The following ZBTB7C variants were observed in gnomAD, a reference collection of about 807,000 sequenced individuals.
ZBTB7C encodes zinc finger and BTB domain-containing protein 7C.
A neutral mutation model predicts 25.7 loss-of-function variants in ZBTB7C; 8 were observed. That is an observed-to-expected ratio of 0.31 (90% confidence interval 0.18 to 0.56). The LOEUF is 0.56. Ranked by LOEUF, ZBTB7C falls within the 20% of genes least tolerant of loss-of-function variation. The probability of loss-of-function intolerance (pLI) is 0.91; values close to 1 mark genes in which losing one functional copy is unlikely to be tolerated. For missense variants in ZBTB7C, 824 were observed against 855.2 expected, an observed-to-expected ratio of 0.96 and a Z score of 0.46; for synonymous variants, 394 against 369.0, an observed-to-expected ratio of 1.07 and a Z score of -0.78.
intron 3 of ZBTB7C, among the ~76,000 whole-genome samples, chr18:48,088,034 C>T (rs550542781): frequency 2.4e-4 from 37 of 152,250 alleles, no homozygotes; most frequent in African/African-American, 8.9e-4. Flanking sequence ...CACACTAACA[C>T]CCCTGTAACC....
chr18:48,233,961 CATT>C (rs1451133955), intron 2 of ZBTB7C, among the ~76,000 whole-genome samples: 1 of 152,130 alleles, frequency 6.6e-6, no homozygotes, highest in Non-Finnish European at 1.5e-5. Flanking sequence ...ATCAGTCAGT[CATT>C]ATCTCCGCTC....
intron 3 of ZBTB7C, among the ~76,000 whole-genome samples, chr18:48,063,511 C>G (rs2037203355): frequency 6.6e-6 from 1 of 151,930 alleles, no homozygotes; most frequent in African/African-American, 2.4e-5. Context: ...GGAAGAAAGG[C>G]AGGAGGGGAA....
At chr18:48,324,265 T>G (rs1173943595) in intron 2 of ZBTB7C, among the ~76,000 whole-genome samples, 1 of 152,144 alleles carries the variant, frequency 6.6e-6, no homozygotes, top group Non-Finnish European at 1.5e-5. Context: ...TGCCCTCTGA[T>G]GGGTGAGCTG....
intron 2 of ZBTB7C, among the ~76,000 whole-genome samples, chr18:48,278,460 C>T (rs1204115718): frequency 4.0e-5 from 6 of 150,296 alleles, no homozygotes; most frequent in Non-Finnish European, 5.9e-5. Flanking sequence ...TTTTTTGAGA[C>T]AGTCTTGCCC....
chr18:48,328,582 C>A (rs994891056), intron 2 of ZBTB7C, among the ~76,000 whole-genome samples: 1 of 152,206 alleles, frequency 6.6e-6, no homozygotes, highest in Non-Finnish European at 1.5e-5. Flanking sequence ...AGGAACCCCC[C>A]TCCCAACCCT....
intron 3 of ZBTB7C, among the ~76,000 whole-genome samples, chr18:48,164,548 T>A (rs1422295356): frequency 6.6e-6 from 1 of 152,232 alleles, no homozygotes; most frequent in Non-Finnish European, 1.5e-5. Flanking sequence ...GATCAAGTGC[T>A]TACCTCGTGA....
chr18:48,167,584 G>GTGTGTGTGTGTGTGTGTGTA (rs1207983957), intron 3 of ZBTB7C, among the ~76,000 whole-genome samples: 1 of 151,460 alleles, frequency 6.6e-6, no homozygotes, highest in Admixed American at 6.6e-5. Context: ...GTGTGTGTGT[G>GTGTGTGTGTGTGTGTGTGTA]TGTGTGTGTG....
At chr18:48,282,907 C>T (rs577188448) in intron 2 of ZBTB7C, among the ~76,000 whole-genome samples, 2 of 152,212 alleles carry the variant, frequency 1.3e-5, no homozygotes, top group African/African-American at 2.4e-5. Flanking sequence ...TGAGAATCTT[C>T]TATGTCATGA....
At chr18:48,161,699 C>T (rs911300122) in intron 3 of ZBTB7C, among the ~76,000 whole-genome samples, 1 of 151,688 alleles carries the variant, frequency 6.6e-6, no homozygotes, top group Admixed American at 6.6e-5. Flanking sequence ...CTGCCCGGCC[C>T]GGCCCGGCCC....
At chr18:48,267,115 T>C (rs936273808) in intron 2 of ZBTB7C, among the ~76,000 whole-genome samples, 1 of 152,230 alleles carries the variant, frequency 6.6e-6, no homozygotes, top group African/African-American at 2.4e-5. Context: ...GATTAGCTTC[T>C]GCTGTAGGTC....
At chr18:48,397,111 G>T (rs8087074) in intron 1 of ZBTB7C, among the ~76,000 whole-genome samples, 43,934 of 152,094 alleles carry the variant, frequency 0.29, 6,869 homozygotes, top group African/African-American at 0.4. Context: ...GTATCAAGTG[G>T]ATAATCTCTT....
chr18:48,179,070 G>A (rs962881165), intron 3 of ZBTB7C, among the ~76,000 whole-genome samples: 2 of 152,204 alleles, frequency 1.3e-5, no homozygotes, highest in African/African-American at 4.8e-5. Flanking sequence ...CGTTTCCTTG[G>A]ATGCCCTCTG....
At chr18:48,114,467 G>T in intron 3 of ZBTB7C, among the ~76,000 whole-genome samples, 1 of 152,084 alleles carries the variant, frequency 6.6e-6, no homozygotes. Context: ...TGGACACAGT[G>T]GTGGGTGCCT....
chr18:48,077,015 G>A, intron 3 of ZBTB7C: 1 of 979,976 alleles, frequency 1.0e-6, no homozygotes, highest in Non-Finnish European at 1.2e-6. Context: ...TTCCAGCAAA[G>A]GTCACAGGAA....
chr18:48,379,184 CT>C (rs1220087412), intron 1 of ZBTB7C, among the ~76,000 whole-genome samples: 2 of 152,118 alleles, frequency 1.3e-5, no homozygotes, highest in African/African-American at 4.8e-5. Context: ...TGTGTGGCCT[CT>C]TTCTGGGTTC....
intron 1 of ZBTB7C, among the ~76,000 whole-genome samples, chr18:48,390,281 G>T (rs2047869144): frequency 7.6e-6 from 1 of 131,410 alleles, no homozygotes; most frequent in Non-Finnish European, 1.6e-5. Context: ...TAATCAAAAT[G>T]GAATCATACC....
chr18:48,264,093 G>A (rs1035105689), intron 2 of ZBTB7C, among the ~76,000 whole-genome samples: 1 of 152,184 alleles, frequency 6.6e-6, no homozygotes, highest in Non-Finnish European at 1.5e-5. Flanking sequence ...ACAGAAATCT[G>A]CAGTCCCACC....
rs563665130 is a variant in ZBTB7C, at chr18:48,029,610, C to T, written c.1510G>A (p.Ala504Thr). ...GPGGPAPDKA[A>T]FVMPPALGEV... Reference sequence around the variant, plus strand: ...CCCAGCGCAGGGGGCATCACGAAGGCCGCCTTGTCGGGGGCCGGGCCGCCG... The same window carrying T: ...CCCAGCGCAGGGGGCATCACGAAGGTCGCCTTGTCGGGGGCCGGGCCGCCG... The change falls in exon 5 of 5, where the codon GCC becomes ACC. Residue 504 changes from alanine to threonine, a missense_variant. Physicochemically the swap from Ala to Thr is moderately conservative, Grantham distance 58. Coordinates refer to ENST00000590800, the MANE Select transcript of ZBTB7C (RefSeq NM_001318841.2). 2.2e-5 allele frequency: 32 copies of T among 1,487,090 alleles called. No individual in the cohort carries two copies. The highest frequency in any genetic ancestry group is 6.6e-5 in the South Asian group (5 of 75,216). 92.1% of individuals were successfully genotyped at this position (1,487,090 alleles called of 1,614,324 possible). A position where few individuals can be genotyped will look rare whatever the true frequency, so the allele number is the denominator to read the frequency against.
intron 2 of ZBTB7C, among the ~76,000 whole-genome samples, chr18:48,314,053 T>G (rs78750044): frequency 0.13 from 19,984 of 152,214 alleles, 1,556 homozygotes; most frequent in Non-Finnish European, 0.19. Context: ...AGCACCGTGC[T>G]TCCTGTACAG....
Sources: allele counts gnomAD v4.1 joint callset (sites outside exome capture counted in the v4.1 genomes callset), GRCh38; gene constraint gnomAD v4.1.1; transcripts MANE v1.5; gene names NCBI Gene and HGNC (gene_info 2026-07-23, HGNC 2026-07-21).